SOX5: variants seen among roughly 807,000 people sequenced by gnomAD.
SOX5 encodes the protein transcription factor SOX-5.
Under a neutral mutation model 92.0 loss-of-function variants are expected in SOX5, and 9 were observed. The observed-to-expected ratio is 0.10, with a 90% confidence interval of 0.06 to 0.17. The LOEUF is 0.17. Ranked by LOEUF, SOX5 falls within the 10% of genes least tolerant of loss-of-function variation. SOX5 has a pLI of 1.00. For synonymous variants in SOX5, 344 were observed against 336.3 expected (o/e 1.02, Z -0.25); for missense variants, 642 against 944.5 (o/e 0.68, Z 4.20).
At chr12:24,392,389 C>A (rs564813147) in intron 1 of SOX5, among the ~76,000 whole-genome samples, 5 of 152,146 alleles carry the variant, frequency 3.3e-5, no homozygotes, top group Non-Finnish European at 7.3e-5. Flanking sequence ...CTAACGCCCC[C>A]ACCAGCAGCA....
rs116258040 is a variant in SOX5, at chr12:24,198,307, C to T, written c.-2+15036G>A. Among the ~76,000 whole-genome samples, 552 of 152,210 alleles carry T rather than the reference C, an allele frequency of 3.6e-3. 4 individuals are homozygous for T. The highest frequency in any genetic ancestry group is 0.012 in the African/African-American group (499 of 41,532). On this transcript the variant is annotated intron_variant, in intron 4 of 4. Transcript: ENST00000446891. ...TTTAAATTTATAGCATTCTTTTCCA[C>T]TTGGATAATGATTTGCTATTTTTCA...
intron 6 of SOX5, among the ~76,000 whole-genome samples, chr12:23,689,149 G>A (rs1056954588): frequency 2.6e-5 from 4 of 152,008 alleles, no homozygotes; most frequent in Non-Finnish European, 5.9e-5. Context: ...AATCTGTTTA[G>A]CCCTTCTTAA....
At chr12:24,340,487 T>C (rs376047027) in intron 2 of SOX5, among the ~76,000 whole-genome samples, 1 of 152,190 alleles carries the variant, frequency 6.6e-6, no homozygotes, top group African/African-American at 2.4e-5. Context: ...CAAGTAAACA[T>C]TGCCATTTAA....
At position 24,483,509 on chromosome 12, in the gene SOX5, G is replaced by A. The variant is rs1946210511; in HGVS notation, c.-251+78820C>T. ...TGTTAATCAAAACTAAAGCAAATGA[G>A]TACTTGTGTATTTTACCATCATTCC... is the stretch of plus-strand genomic sequence containing the variant. On this transcript the variant is annotated intron_variant, in intron 1 of 4. Transcript: ENST00000446891. Among the ~76,000 whole-genome samples, 4 of 152,318 alleles carry A rather than the reference G, an allele frequency of 2.6e-5. No individual in the cohort carries two copies. The South Asian group carries it at 8.3e-4, about 32-fold the overall frequency.
intron 2 of SOX5, among the ~76,000 whole-genome samples, chr12:24,349,331 T>C (rs1211685426): frequency 1.3e-5 from 2 of 152,226 alleles, no homozygotes; most frequent in Non-Finnish European, 2.9e-5. Flanking sequence ...GTGGACTGTT[T>C]AGTCACATTA....
intron 3 of SOX5, among the ~76,000 whole-genome samples, chr12:23,756,018 A>G (rs1327753723): frequency 6.6e-6 from 1 of 151,848 alleles, no homozygotes; most frequent in East Asian, 1.9e-4. Flanking sequence ...AATTCTTGCT[A>G]TAATGGATGC....
chr12:23,804,951 A>ATT, intron 3 of SOX5, among the ~76,000 whole-genome samples: 1 of 14,594 alleles, frequency 6.9e-5, no homozygotes, highest in East Asian at 4.3e-3. Context: ...ATATATATAT[A>ATT]TATATATATA....
chr12:24,046,342 T>C (rs1957023648), intron 4 of SOX5, among the ~76,000 whole-genome samples: 1 of 151,924 alleles, frequency 6.6e-6, no homozygotes, highest in Non-Finnish European at 1.5e-5. Context: ...AAGGAGAGCC[T>C]TTTTTTTCCC....
chr12:23,930,756 G>A (rs763474511), intron 1 of SOX5, among the ~76,000 whole-genome samples: 16 of 151,626 alleles, frequency 1.1e-4, no homozygotes, highest in Middle Eastern at 3.2e-3. Flanking sequence ...AAGGGAACTC[G>A]TCTTGCATAT....
intron 3 of SOX5, among the ~76,000 whole-genome samples, chr12:23,778,324 G>A (rs2095171379): frequency 6.6e-6 from 1 of 152,196 alleles, no homozygotes; most frequent in Admixed American, 6.5e-5. Context: ...GGAAAGACAT[G>A]AATGTGGAAG....
intron 1 of SOX5, among the ~76,000 whole-genome samples, chr12:24,387,664 G>T (rs553466804): frequency 6.6e-6 from 1 of 152,204 alleles, no homozygotes; most frequent in African/African-American, 2.4e-5. Context: ...TTTTCTTACA[G>T]GGAATATTAA....
At chr12:24,546,132 T>G (rs1952602194) in intron 1 of SOX5, among the ~76,000 whole-genome samples, 1 of 152,182 alleles carries the variant, frequency 6.6e-6, no homozygotes, top group African/African-American at 2.4e-5. Flanking sequence ...GAATATTAAC[T>G]AAAGTAGCAA....
Position 24,327,622 on chromosome 12 carries a change from C to T in SOX5, c.-174+40941G>A, listed in dbSNP as rs184042934. Among the ~76,000 whole-genome samples, 67 of 151,562 alleles carry T rather than the reference C, an allele frequency of 4.4e-4. 1 individual carries two copies. In the East Asian group the frequency reaches 0.011, roughly 26 times the overall value. Reference sequence around the variant, plus strand: ...TTTTTTAGACAGAGTCTCGCTCTGTCCCCCAGGCTGGAGTGCAGTGGCGCA... The same window carrying T: ...TTTTTTAGACAGAGTCTCGCTCTGTTCCCCAGGCTGGAGTGCAGTGGCGCA... On this transcript the variant is annotated intron_variant, in intron 2 of 4. Transcript: ENST00000446891.
At chr12:24,426,728 C>T (rs1161425376) in intron 1 of SOX5, among the ~76,000 whole-genome samples, 2 of 152,166 alleles carry the variant, frequency 1.3e-5, no homozygotes, top group African/African-American at 4.8e-5. Context: ...CCATAGTACA[C>T]AGAAAGCGTC....
Position 24,050,610 on chromosome 12 carries a change from T to C in SOX5, c.-1-154586A>G, listed in dbSNP as rs117270677. Reference sequence around the variant, plus strand: ...CCTTTTAAACAATTTTGACAGAAAATAGGTAACTATCCCAAAAGAGGTAAT... The same window carrying C: ...CCTTTTAAACAATTTTGACAGAAAACAGGTAACTATCCCAAAAGAGGTAAT... On this transcript the variant is annotated intron_variant, in intron 4 of 4. Coordinates refer to the SOX5 transcript ENST00000446891. 7.1e-3 allele frequency among the ~76,000 whole-genome samples: 1,086 copies of C among 152,170 alleles called. 5 individuals carry two copies. Among genetic ancestry groups the C allele is most frequent in the Non-Finnish European group, 0.011 (740 of 67,974 alleles).
chr12:23,714,996 C>G (rs2092374353), intron 6 of SOX5, among the ~76,000 whole-genome samples: 1 of 152,088 alleles, frequency 6.6e-6, no homozygotes, highest in Non-Finnish European at 1.5e-5. Context: ...GTATTGGTTA[C>G]AGTTAATAAC....
At chr12:24,300,919 T>C (rs1947871691) in intron 2 of SOX5, among the ~76,000 whole-genome samples, 1 of 152,086 alleles carries the variant, frequency 6.6e-6, no homozygotes, top group African/African-American at 2.4e-5. Flanking sequence ...TCAAGAATGT[T>C]GACCTATGTC....
chr12:23,901,495 T>C (rs1427516735), intron 1 of SOX5, among the ~76,000 whole-genome samples: 1 of 152,234 alleles, frequency 6.6e-6, no homozygotes, highest in Non-Finnish European at 1.5e-5. Flanking sequence ...TCTGGAATCC[T>C]CCTACCCTAG....
chr12:24,464,360 T>C (rs557824499), intron 1 of SOX5, among the ~76,000 whole-genome samples: 3 of 150,742 alleles, frequency 2.0e-5, no homozygotes, highest in Non-Finnish European at 4.4e-5. Flanking sequence ...TCTCACTCTG[T>C]CACCCAGGCT....
Sources: allele counts gnomAD v4.1 joint callset (sites outside exome capture counted in the v4.1 genomes callset), GRCh38; gene constraint gnomAD v4.1.1; transcripts MANE v1.5; gene names NCBI Gene and HGNC (gene_info 2026-07-23, HGNC 2026-07-21).